Variants in NEDD4 observed in about 807,000 individuals in gnomAD.
The protein encoded by NEDD4 is NEDD4 E3 ubiquitin protein ligase.
In NEDD4, 99 loss-of-function variants were observed where a neutral mutation model predicts 144.9. That is an observed-to-expected ratio of 0.68 (90% CI 0.58 to 0.81). The LOEUF (loss-of-function observed/expected upper bound fraction) is 0.81, where lower values mean the gene tolerates loss of function less well. Among genes scored for constraint, NEDD4 ranks in the 30% least tolerant of loss-of-function variants. NEDD4 has a pLI of 0.00. For missense variants in NEDD4, 985 were observed against 1,065.9 expected (o/e 0.92, Z 1.06); for synonymous variants, 318 against 350.6 (o/e 0.91, Z 1.04).
intron 11 of NEDD4, among the ~76,000 whole-genome samples, chr15:55,857,394 T>A (rs2142024160): frequency 6.6e-6 from 1 of 152,300 alleles, no homozygotes; most frequent in Middle Eastern, 3.4e-3. Context: ...GGTGGTGCGA[T>A]CTTGTCTCAC....
intron 5 of NEDD4, among the ~76,000 whole-genome samples, chr15:55,918,060 T>A (rs188913419): frequency 6.6e-6 from 1 of 152,302 alleles, no homozygotes; most frequent in Admixed American, 6.5e-5. Flanking sequence ...CTGTTTGATA[T>A]CTATAAAGAA....
In NEDD4 at chr15:55,993,513, C is replaced by T. The variant is rs755902039; in HGVS notation, c.43G>A (p.Glu15Lys). Residue 15 changes from glutamate to lysine, a missense_variant and splice_region_variant, in exon 1 of 29, where the codon GAG (glutamate) becomes AAG (lysine). Physicochemically the swap from Glu to Lys is moderately conservative, Grantham distance 56 (BLOSUM62 1). Transcript: ENST00000435532. ...AVEVFGLLED[E>K]ENSRIVRVRV... ...CCGCAGCCCCGCGGTCCCCGCACCT[C>T]GTCCTCCAGGAGCCCGAACACCTCC... The T allele has an allele frequency of 2.5e-6, 4 of 1,598,164 alleles. No homozygotes were observed. The Admixed American group carries it at 5.1e-5, about 21-fold the overall frequency.
chr15:55,974,097 A>T (rs1164774774), intron 1 of NEDD4, among the ~76,000 whole-genome samples: 6 of 152,198 alleles, frequency 3.9e-5, no homozygotes, highest in Admixed American at 3.9e-4. Flanking sequence ...ATTACAACTG[A>T]CACCACAGAA....
intron 5 of NEDD4, among the ~76,000 whole-genome samples, chr15:55,894,772 C>A (rs2035686990): frequency 6.6e-6 from 1 of 151,978 alleles, no homozygotes; most frequent in African/African-American, 2.4e-5. Flanking sequence ...AAAATACAAA[C>A]CATTTTTTAA....
chr15:55,946,702 A>G (rs1454242965), intron 4 of NEDD4, among the ~76,000 whole-genome samples: 1 of 152,330 alleles, frequency 6.6e-6, no homozygotes, highest in Admixed American at 6.5e-5. Context: ...AACAGAATAT[A>G]CATCCTTCTC....
intron 5 of NEDD4, among the ~76,000 whole-genome samples, chr15:55,906,705 A>G (rs936037485): frequency 2.6e-5 from 4 of 152,196 alleles, no homozygotes; most frequent in Non-Finnish European, 4.4e-5. Context: ...TGGGTGCAGC[A>G]CACCAACATG....
intron 1 of NEDD4, among the ~76,000 whole-genome samples, chr15:55,988,247 T>A (rs1314262235): frequency 2.4e-5 from 3 of 124,950 alleles, no homozygotes; most frequent in Non-Finnish European, 3.3e-5. Flanking sequence ...CACCGCATAT[T>A]CTCACTCATA....
At chr15:55,889,707 T>C (rs1437420305) in intron 5 of NEDD4, among the ~76,000 whole-genome samples, 15 of 151,590 alleles carry the variant, frequency 9.9e-5, no homozygotes, top group African/African-American at 3.2e-4. Flanking sequence ...TTGTTTTGTT[T>C]TGTTTTTTTT....
intron 24 of NEDD4, among the ~76,000 whole-genome samples, chr15:55,837,441 A>G (rs2033264008): frequency 6.6e-6 from 1 of 152,010 alleles, no homozygotes; most frequent in Admixed American, 6.6e-5. Context: ...TCAAAAAAAA[A>G]AAAAAAAGAA....
intron 1 of NEDD4, among the ~76,000 whole-genome samples, chr15:55,968,366 T>C (rs1194843549): frequency 2.0e-5 from 3 of 152,082 alleles, no homozygotes; most frequent in Non-Finnish European, 4.4e-5. Flanking sequence ...ACAATCTTAA[T>C]AGCAAAAATT....
At chr15:55,990,158 A>G (rs2037965805) in intron 1 of NEDD4, among the ~76,000 whole-genome samples, 3 of 151,972 alleles carry the variant, frequency 2.0e-5, no homozygotes, top group Admixed American at 6.6e-5. Flanking sequence ...GGTGAGCTGT[A>G]TAATTACTTC....
Position 55,946,784 on chromosome 15 carries a change from G to C in NEDD4, c.237+4592C>G, listed in dbSNP as rs1480057488. ...AAAGCACTCCTCAGCAAATGTAAAA[G>C]AACAGAAATTATAACAAACTGTCTC... On this transcript the variant is annotated intron_variant, in intron 4 of 28. Transcript: ENST00000435532. Among the ~76,000 whole-genome samples, 17 of 152,236 alleles carry C rather than the reference G, an allele frequency of 1.1e-4. No homozygotes were observed. The East Asian group carries it at 2.5e-3, about 22-fold the overall frequency.
intron 5 of NEDD4, chr15:55,916,245 G>C: frequency 1.9e-6 from 3 of 1,613,974 alleles, no homozygotes; most frequent in Non-Finnish European, 1.7e-6. Context: ...ATCATCACTT[G>C]GTGGAAAAGT....
chr15:55,862,989 T>G lies in NEDD4; in HGVS notation c.598A>C (p.Arg200=). Residue 200 remains arginine, a synonymous_variant, in exon 9 of 29, where the codon AGG becomes CGG. Transcript: ENST00000435532. ...PSPLPPGWEE[R]QDILGRTYYV... is the part of the protein sequence containing the mutation. ...TAGGTCCTTCCAAGGATATCCTGCC[T>G]CTCTTCCCACCCTGGAGGTAGAGGA... The G allele has an allele frequency of 6.2e-7, 1 of 1,607,624 alleles. No homozygotes were observed.
intron 5 of NEDD4, among the ~76,000 whole-genome samples, chr15:55,896,652 G>C (rs764369330): frequency 1.3e-5 from 2 of 152,132 alleles, no homozygotes; most frequent in African/African-American, 2.4e-5. Flanking sequence ...CTAGCTTCTA[G>C]AGTCAGGCTC....
chr15:55,927,557 A>C (rs1332450130), intron 4 of NEDD4, among the ~76,000 whole-genome samples: 2 of 152,172 alleles, frequency 1.3e-5, no homozygotes, highest in African/African-American at 4.8e-5. Context: ...ATGGCCTCAC[A>C]AGAATATTTT....
chr15:55,856,741 C>G (rs1463155319), intron 11 of NEDD4, among the ~76,000 whole-genome samples: 1 of 152,208 alleles, frequency 6.6e-6, no homozygotes, highest in African/African-American at 2.4e-5. Context: ...CCACTTCCCA[C>G]TTCGCAATCT....
At chr15:55,855,938 G>C (rs547512255) in intron 12 of NEDD4, among the ~76,000 whole-genome samples, 193 bp downstream of exon 12, 1 of 152,154 alleles carries the variant, frequency 6.6e-6, no homozygotes, top group South Asian at 2.1e-4. Context: ...CAGAGACTTT[G>C]CTTTTAACAT....
chr15:55,979,141 T>C (rs543266576), intron 1 of NEDD4, among the ~76,000 whole-genome samples: 25 of 151,842 alleles, frequency 1.6e-4, no homozygotes, highest in Admixed American at 2.6e-4. Context: ...TAGTTCACTA[T>C]TAAAATCCTA....
Sources: allele counts gnomAD v4.1 joint callset (sites outside exome capture counted in the v4.1 genomes callset), GRCh38; gene constraint gnomAD v4.1.1; transcripts MANE v1.5; gene names NCBI Gene and HGNC (gene_info 2026-07-23, HGNC 2026-07-21).